TYW1B: variants seen among roughly 807,000 people sequenced by gnomAD.
TYW1B encodes tRNA-yW synthesizing protein 1 homolog B, also known as S-adenosyl-L-methionine-dependent tRNA 4-demethylwyosine synthase TYW1B.
Under a neutral mutation model 86.9 loss-of-function variants are expected in TYW1B, and 73 were observed. That is an observed-to-expected ratio of 0.84 (90% CI 0.70 to 1.02). The LOEUF (loss-of-function observed/expected upper bound fraction) is 1.02. Ranked by LOEUF, TYW1B falls within the 50% of genes least tolerant of loss-of-function variation. The pLI is 0.00. For missense variants in TYW1B, 637 were observed against 827.4 expected (o/e 0.77, Z 2.82); for synonymous variants, 248 against 292.8 (o/e 0.85, Z 1.56).
chr7:72,707,573 G>C (rs1194609734), intron 10 of TYW1B, among the ~76,000 whole-genome samples: 1 of 152,172 alleles, frequency 6.6e-6, no homozygotes, highest in Non-Finnish European at 1.5e-5. Context: ...ACACATTCTT[G>C]TCACTTTTAT....
intron 13 of TYW1B, among the ~76,000 whole-genome samples, chr7:72,591,921 T>C (rs1162917616): frequency 3.3e-5 from 5 of 152,020 alleles, no homozygotes; most frequent in African/African-American, 1.2e-4. Flanking sequence ...TCTCCCAGGT[T>C]CAAGGAATTC....
intron 6 of TYW1B, among the ~76,000 whole-genome samples, chr7:72,790,104 C>T (rs558278801): frequency 1.0e-3 from 155 of 151,826 alleles, no homozygotes; most frequent in Admixed American, 1.5e-3. Context: ...TGCACCACCA[C>T]GCCTGGCTAA....
intron 11 of TYW1B, among the ~76,000 whole-genome samples, chr7:72,676,909 G>C (rs1376519802): frequency 1.3e-5 from 2 of 151,996 alleles, no homozygotes; most frequent in Non-Finnish European, 2.9e-5. Context: ...AGTGTGCTAA[G>C]ATCACGCCAC....
intron 10 of TYW1B, among the ~76,000 whole-genome samples, chr7:72,700,448 C>T (rs560749866): frequency 2.6e-4 from 40 of 152,070 alleles, no homozygotes; most frequent in Non-Finnish European, 3.7e-4. Flanking sequence ...GCTGGGATTA[C>T]GGGTGTAAGC....
intron 7 of TYW1B, among the ~76,000 whole-genome samples, chr7:72,749,222 A>T (rs1787445826): frequency 6.6e-6 from 1 of 152,214 alleles, no homozygotes; most frequent in Non-Finnish European, 1.5e-5. Context: ...AATTGTTTGC[A>T]GCACTCCCTT....
chr7:72,778,917 A>G (rs1201365514), intron 6 of TYW1B, among the ~76,000 whole-genome samples: 1 of 129,908 alleles, frequency 7.7e-6, no homozygotes, highest in Non-Finnish European at 1.7e-5. Context: ...CACTCTGTCC[A>G]CTGATTTCTT....
chr7:72,614,385 C>A (rs1812015466), intron 13 of TYW1B, among the ~76,000 whole-genome samples: 1 of 152,148 alleles, frequency 6.6e-6, no homozygotes, highest in Non-Finnish European at 1.5e-5. Context: ...GTAATCCCAG[C>A]ACTTTGGGAG....
chr7:72,758,479 C>G (rs1056938155), intron 7 of TYW1B, among the ~76,000 whole-genome samples: 1 of 151,442 alleles, frequency 6.6e-6, no homozygotes, highest in Admixed American at 6.6e-5. Flanking sequence ...AAAAATTTTT[C>G]TCTCTCTGTT....
At chr7:72,692,496 A>C (rs1814195326) in intron 11 of TYW1B, among the ~76,000 whole-genome samples, 1 of 152,130 alleles carries the variant, frequency 6.6e-6, no homozygotes, top group South Asian at 2.1e-4. Flanking sequence ...CTTTGGTGAC[A>C]GAGCAAGACC....
rs533022959 is a variant in TYW1B, at chr7:72,731,496, T to C, written c.1083-2565A>G. On this transcript the variant is annotated intron_variant, in intron 8 of 13. Transcript: ENST00000620995. ...TACCATGAATAACCTTGAATGTAAA[T>C]GGATTAAAGTCCCTTGTTAAAAGAT... Among the ~76,000 whole-genome samples the C allele has an allele frequency of 4.9e-5, 7 of 143,528 alleles. No individual in the cohort carries two copies. The East Asian group carries it at 1.4e-3, about 29-fold the overall frequency. The allele number at this position is 143,528 out of a possible 152,430, so 94.2% of individuals were successfully genotyped here.
chr7:72,770,427 C>CAAAAAAAAAAAAAAAAAAAAA (rs587645992), intron 7 of TYW1B, among the ~76,000 whole-genome samples: 1 of 94,478 alleles, frequency 1.1e-5, no homozygotes, highest in Non-Finnish European at 2.0e-5. Context: ...GACTCCGTCT[C>CAAAAAAAAAAAAAAAAAAAAA]AAAAAAAAAA....
intron 13 of TYW1B, among the ~76,000 whole-genome samples, chr7:72,577,490 T>C (rs535269663): frequency 6.6e-6 from 1 of 152,292 alleles, no homozygotes; most frequent in South Asian, 2.1e-4. Flanking sequence ...TTGTCTACTG[T>C]TGTGGAAGCA....
chr7:72,748,011 C>T (rs1787424898), intron 7 of TYW1B, among the ~76,000 whole-genome samples: 1 of 152,188 alleles, frequency 6.6e-6, no homozygotes, highest in South Asian at 2.1e-4. Context: ...TGGCTCACGC[C>T]TGTAATCCCA....
intron 8 of TYW1B, among the ~76,000 whole-genome samples, chr7:72,740,089 C>T (rs574375424): frequency 1.4e-3 from 212 of 148,948 alleles, no homozygotes; most frequent in Admixed American, 2.8e-3. Context: ...AAAAATTAGC[C>T]GGGTGTGGTG....
At chr7:72,748,500 A>C (rs530614273) in intron 7 of TYW1B, among the ~76,000 whole-genome samples, 14 of 147,036 alleles carry the variant, frequency 9.5e-5, no homozygotes, top group Admixed American at 2.8e-4. Flanking sequence ...GTAAAACAGG[A>C]GTGGTGAACG....
rs558564757 is a variant in TYW1B, at chr7:72,676,281, G to A, written c.1506+18406C>T. Reference sequence around the variant, plus strand: ...ACAATATCTACGACTCATATAAAAGGTATGAAGATAAGATGATACGTACTC... The same window carrying A: ...ACAATATCTACGACTCATATAAAAGATATGAAGATAAGATGATACGTACTC... On this transcript the variant is annotated intron_variant, in intron 11 of 13. Transcript: ENST00000620995. Among the ~76,000 whole-genome samples the A allele has an allele frequency of 6.0e-3, 917 of 152,302 alleles. 8 individuals carry two copies. The highest frequency in any genetic ancestry group is 0.011 in the Non-Finnish European group (726 of 68,032).
chr7:72,828,081 T>G lies in TYW1B; in HGVS notation c.-6A>C, dbSNP rs1422570744. On this transcript the variant is annotated 5_prime_UTR_variant, in exon 1 of 14. Transcript: ENST00000620995. The stretch of plus-strand genomic sequence containing the variant: ...CGCCGAGTGCCCTTACCCATCCTCC[T>G]CAGAGCCGACAGGAGACTAGGATCT... 2.5e-6 allele frequency: 4 copies of G among 1,613,778 alleles called. No individual in the cohort carries two copies. In the African/African-American group the frequency reaches 4.0e-5, roughly 16 times the overall value.
intron 13 of TYW1B, among the ~76,000 whole-genome samples, chr7:72,606,361 C>G (rs1240531892): frequency 6.6e-6 from 1 of 152,148 alleles, no homozygotes; most frequent in Non-Finnish European, 1.5e-5. Context: ...CCTAGACTCC[C>G]ACCTTCACCT....
chr7:72,728,687 C>T (rs1787050095), intron 9 of TYW1B, 135 bp downstream of exon 9: 1 of 842,822 alleles, frequency 1.2e-6, no homozygotes. Flanking sequence ...ATATAATATT[C>T]CTACGAAGTT....
Sources: gnomAD v4.1 joint callset for allele counts (sites outside exome capture counted in the v4.1 genomes callset) on GRCh38, gnomAD v4.1.1 for gene constraint, MANE v1.5 for transcripts, NCBI Gene and HGNC (gene_info 2026-07-23, HGNC 2026-07-21) for gene names.